The following NHS variants were observed in gnomAD, a reference collection of about 807,000 sequenced individuals.
NHS encodes actin remodeling regulator NHS.
Under a neutral mutation model 72.5 loss-of-function variants are expected in NHS, and 5 were observed. The ratio of observed to expected loss-of-function variants is 0.07; its 90% CI spans 0.04 to 0.14. NHS has a LOEUF of 0.14. Ranked by LOEUF, NHS falls within the 10% of genes least tolerant of loss-of-function variation. The pLI is 1.00. For missense variants in NHS, 1,072 were observed against 1,355.7 expected, an observed-to-expected ratio of 0.79 and a Z score of 3.29; for synonymous variants, 464 against 547.7, an observed-to-expected ratio of 0.85 and a Z score of 2.13.
rs887848743 is a variant in NHS at position 17,550,072 on chromosome X, G to T, written c.566-137670G>T. Among the ~76,000 whole-genome samples the T allele has an allele frequency of 2.7e-5, 3 of 111,906 alleles. No homozygotes were observed. The Admixed American group carries it at 2.8e-4, about 11-fold the overall frequency. On this transcript the variant is annotated intron_variant, in intron 1 of 8. Transcript: ENST00000676302. ...AAAATAAATGTAAATGAACAGGTAA[G>T]GTGTTGATTTCTTGATACCCAAAGC...
At chrX:17,537,718 G>A (rs1008238281) in intron 1 of NHS, among the ~76,000 whole-genome samples, 2 of 111,998 alleles carry the variant, frequency 1.8e-5, no homozygotes, top group African/African-American at 6.5e-5. Flanking sequence ...AAAGCCAAAG[G>A]GTTTAAAAGA....
chrX:17,442,908 C>G (rs2064762728), intron 1 of NHS, among the ~76,000 whole-genome samples: 2 of 112,220 alleles, frequency 1.8e-5, no homozygotes, highest in South Asian at 7.4e-4. Flanking sequence ...TTCATGTGGA[C>G]AGCTGTGGGA....
intron 1 of NHS, among the ~76,000 whole-genome samples, chrX:17,481,420 G>A (rs1488454138): frequency 9.0e-6 from 1 of 111,683 alleles, no homozygotes; most frequent in Non-Finnish European, 1.9e-5. Flanking sequence ...CTGGCTTTTG[G>A]AAGTAATCTA....
At chrX:17,538,429 C>G (rs1307269178) in intron 1 of NHS, among the ~76,000 whole-genome samples, 1 of 111,548 alleles carries the variant, frequency 9.0e-6, no homozygotes, top group Non-Finnish European at 1.9e-5. Flanking sequence ...GAGTAGGCTC[C>G]CAGCGTGGGC....
chrX:17,618,890 G>T (rs2065759585), intron 1 of NHS, among the ~76,000 whole-genome samples: 1 of 111,858 alleles, frequency 8.9e-6, no homozygotes, highest in African/African-American at 3.2e-5. Flanking sequence ...GTTGTCGGGT[G>T]GTCTAGTGGT....
intron 1 of NHS, among the ~76,000 whole-genome samples, chrX:17,484,891 A>G (rs768689443): frequency 3.6e-5 from 4 of 111,110 alleles, no homozygotes; most frequent in Admixed American, 9.6e-5. Flanking sequence ...CAAGGCCCCA[A>G]GATGTCAAAG....
intron 1 of NHS, among the ~76,000 whole-genome samples, chrX:17,394,274 T>C (rs746131551): frequency 8.9e-6 from 1 of 111,967 alleles, no homozygotes; most frequent in African/African-American, 3.2e-5. Flanking sequence ...ACCTGGCTGC[T>C]GAGTGACACA....
chrX:17,667,912 G>A (rs1030968053), intron 1 of NHS, among the ~76,000 whole-genome samples: 1 of 109,164 alleles, frequency 9.2e-6, no homozygotes, highest in Non-Finnish European at 1.9e-5. Flanking sequence ...CCAATCAGTG[G>A]TTCCACATCA....
chrX:17,576,237 T>C lies in NHS; in HGVS notation c.566-111505T>C, dbSNP rs758239859. On this transcript the variant is annotated intron_variant, in intron 1 of 8. Transcript: ENST00000676302. ...AGTCATGTATATATTCACCCTCCAA[T>C]AATTTAATATTACAGAAAGTGAACC... Among the ~76,000 whole-genome samples the C allele has an allele frequency of 2.7e-5, 3 of 112,061 alleles. No individual in the cohort carries two copies. In the South Asian group the frequency reaches 1.1e-3, roughly 42 times the overall value.
At position 17,734,086 on chromosome X, in the gene NHS, C is replaced by G. The variant is rs1467762302; in HGVS notation, c.*1622C>G. The G allele has an allele frequency of 8.9e-6, 1 of 111,880 alleles. No homozygotes were observed. The highest frequency in any genetic ancestry group is 1.9e-5 in the Non-Finnish European group (1 of 53,137). 9.2% of individuals were successfully genotyped at this position (111,880 alleles called of 1,213,427 possible). ...TAGGTTTTGAATGGGAGAGGTAGAACAGAGAGAGAATTAAGAAGGGATCTG... is the reference window on the plus strand; with the variant it reads ...TAGGTTTTGAATGGGAGAGGTAGAAGAGAGAGAGAATTAAGAAGGGATCTG... On this transcript the variant is annotated 3_prime_UTR_variant, in exon 9 of 9. Coordinates refer to ENST00000676302, the MANE Select transcript of NHS (RefSeq NM_001291867.2).
chrX:17,395,222 G>T (rs1164473896), intron 1 of NHS, among the ~76,000 whole-genome samples: 1 of 110,752 alleles, frequency 9.0e-6, no homozygotes, highest in Non-Finnish European at 1.9e-5. Flanking sequence ...GTGCAACTTT[G>T]AATACTCAAA....
intron 1 of NHS, among the ~76,000 whole-genome samples, chrX:17,555,570 G>C (rs1343637298): frequency 1.8e-5 from 2 of 111,768 alleles, no homozygotes; most frequent in African/African-American, 6.5e-5. Context: ...GGTGCCAAGT[G>C]CTGTTCCTCT....
intron 1 of NHS, among the ~76,000 whole-genome samples, chrX:17,508,220 C>T (rs1175284052): frequency 9.1e-6 from 1 of 109,739 alleles, no homozygotes; most frequent in Non-Finnish European, 1.9e-5. Context: ...ACAGCCACCC[C>T]ACCATTCCCA....
chrX:17,496,616 T>G (rs1168362510), intron 1 of NHS, among the ~76,000 whole-genome samples: 2 of 111,532 alleles, frequency 1.8e-5, no homozygotes, highest in African/African-American at 6.5e-5. Context: ...CCAAATGTCC[T>G]GCCAGGAGAA....
intron 1 of NHS, among the ~76,000 whole-genome samples, chrX:17,668,961 G>GA (rs942004699): frequency 2.7e-5 from 3 of 111,617 alleles, no homozygotes; most frequent in East Asian, 2.8e-4. Flanking sequence ...TGTCAGAGGG[G>GA]AAAAAATCAC....
intron 1 of NHS, among the ~76,000 whole-genome samples, chrX:17,410,948 G>A (rs975390756): frequency 9.0e-6 from 1 of 111,705 alleles, no homozygotes; most frequent in Admixed American, 9.5e-5. Flanking sequence ...GCAGTGTGGT[G>A]TGGGTGGAGA....
intron 3 of NHS, among the ~76,000 whole-genome samples, chrX:17,697,212 T>G (rs909688368): frequency 1.8e-5 from 2 of 110,922 alleles, no homozygotes; most frequent in Non-Finnish European, 3.8e-5. Context: ...AAAGGAAATT[T>G]CTAGGACCCT....
chrX:17,604,066 G>A (rs958978108), intron 1 of NHS, among the ~76,000 whole-genome samples: 10 of 110,867 alleles, frequency 9.0e-5, no homozygotes, highest in South Asian at 7.6e-4. Context: ...GTTTTAAAAT[G>A]TATCAGTTAA....
chrX:17,672,122 G>A (rs776213228), intron 1 of NHS, among the ~76,000 whole-genome samples: 1 of 112,411 alleles, frequency 8.9e-6, no homozygotes, highest in African/African-American at 3.2e-5. Context: ...CGAGTTCATT[G>A]AATTAGTGTA....
Sources: gnomAD v4.1 joint callset for allele counts (sites outside exome capture counted in the v4.1 genomes callset) on GRCh38, gnomAD v4.1.1 for gene constraint, MANE v1.5 for transcripts, NCBI Gene and HGNC (gene_info 2026-07-23, HGNC 2026-07-21) for gene names.